CFAP299: variants seen among roughly 807,000 people sequenced by gnomAD.
CFAP299 encodes cilia- and flagella-associated protein 299.
In CFAP299, 21 loss-of-function variants were observed where a neutral mutation model predicts 27.0. The ratio of observed to expected loss-of-function variants is 0.78; its 90% CI spans 0.55 to 1.12. CFAP299 has a LOEUF of 1.12. Among genes scored for constraint, CFAP299 ranks in the 50% most tolerant of loss-of-function variants. The pLI is 0.00. For missense variants in CFAP299, 310 were observed against 276.6 expected (o/e 1.12, Z -0.86); for synonymous variants, 104 against 98.1 (o/e 1.06, Z -0.36).
At chr4:80,927,830 C>G (rs914959805) in intron 4 of CFAP299, among the ~76,000 whole-genome samples, 2 of 152,054 alleles carry the variant, frequency 1.3e-5, no homozygotes, top group Non-Finnish European at 2.9e-5. Flanking sequence ...AATAATCTTC[C>G]CATTTTAAGG....
chr4:80,901,627 G>A (rs1398772476), intron 4 of CFAP299, among the ~76,000 whole-genome samples: 1 of 152,062 alleles, frequency 6.6e-6, no homozygotes, highest in Non-Finnish European at 1.5e-5. Flanking sequence ...GGGTCTCCAT[G>A]CCAATGTTTC....
intron 2 of CFAP299, among the ~76,000 whole-genome samples, chr4:80,390,591 A>G (rs13127544): frequency 7.1e-6 from 1 of 140,874 alleles, no homozygotes; most frequent in African/African-American, 2.8e-5. Context: ...ATATGTATAT[A>G]TGTATATATG....
chr4:80,657,663 A>T (rs1009837427), intron 3 of CFAP299, among the ~76,000 whole-genome samples: 2 of 152,160 alleles, frequency 1.3e-5, no homozygotes, highest in African/African-American at 4.8e-5. Context: ...AGGTAGCATG[A>T]TGCCTCCAGC....
intron 2 of CFAP299, among the ~76,000 whole-genome samples, chr4:80,480,146 T>C (rs997785533): frequency 1.3e-5 from 2 of 151,986 alleles, no homozygotes; most frequent in African/African-American, 2.4e-5. Context: ...ATGCTCCTTA[T>C]GGATACTTTC....
chr4:80,361,105 T>C (rs1723521195), intron 1 of CFAP299, among the ~76,000 whole-genome samples: 1 of 152,140 alleles, frequency 6.6e-6, no homozygotes, highest in African/African-American at 2.4e-5. Flanking sequence ...ATTCCATCAG[T>C]TTAGGGTATG....
At chr4:80,597,821 A>C (rs942071626) in intron 3 of CFAP299, among the ~76,000 whole-genome samples, 7 of 151,910 alleles carry the variant, frequency 4.6e-5, no homozygotes, top group African/African-American at 1.7e-4. Context: ...TGAGTAGCTG[A>C]GATTACAGGC....
chr4:80,799,537 T>A (rs1184108300), intron 3 of CFAP299, among the ~76,000 whole-genome samples: 10 of 76,526 alleles, frequency 1.3e-4, no homozygotes, highest in African/African-American at 4.7e-4. Context: ...ATAATATATT[T>A]AATACATATA....
chr4:80,801,903 GTT>G (rs1728632316), intron 3 of CFAP299, among the ~76,000 whole-genome samples: 1 of 152,030 alleles, frequency 6.6e-6, no homozygotes, highest in Non-Finnish European at 1.5e-5. Flanking sequence ...CAATCCTTAA[GTT>G]TTTTATTTAT....
intron 2 of CFAP299, among the ~76,000 whole-genome samples, chr4:80,566,282 T>C (rs1359977216): frequency 6.6e-6 from 1 of 152,028 alleles, no homozygotes; most frequent in East Asian, 1.9e-4. Context: ...TCTAATAGTA[T>C]TTTTTTAAGT....
chr4:80,746,569 G>C (rs2110067863), intron 3 of CFAP299, among the ~76,000 whole-genome samples: 1 of 152,102 alleles, frequency 6.6e-6, no homozygotes, highest in Non-Finnish European at 1.5e-5. Flanking sequence ...TTGTTCATCA[G>C]ATTTAAAGGT....
intron 3 of CFAP299, among the ~76,000 whole-genome samples, chr4:80,669,964 C>T (rs1297225931): frequency 4.0e-5 from 6 of 150,110 alleles, no homozygotes; most frequent in African/African-American, 7.3e-5. Flanking sequence ...ACCCGTAGTG[C>T]GTCGTGAATT....
At chr4:80,782,257 G>T (rs1043693755) in intron 3 of CFAP299, among the ~76,000 whole-genome samples, 4 of 151,728 alleles carry the variant, frequency 2.6e-5, no homozygotes, top group Non-Finnish European at 4.4e-5. Context: ...CATCCCTCTT[G>T]CTGGAAACAA....
At chr4:80,641,361 T>A (rs1448456768) in intron 3 of CFAP299, among the ~76,000 whole-genome samples, 1 of 151,982 alleles carries the variant, frequency 6.6e-6, no homozygotes, top group Non-Finnish European at 1.5e-5. Flanking sequence ...CACACCACCA[T>A]GCCAGGCTAA....
chr4:80,912,380 G>T (rs997746322), intron 4 of CFAP299, among the ~76,000 whole-genome samples: 3 of 152,108 alleles, frequency 2.0e-5, no homozygotes, highest in Admixed American at 2.0e-4. Flanking sequence ...GAGCGAGAAA[G>T]GTTCGTCCCT....
chr4:80,514,324 G>T (rs1732470781), intron 2 of CFAP299, among the ~76,000 whole-genome samples: 1 of 151,980 alleles, frequency 6.6e-6, no homozygotes, highest in East Asian at 1.9e-4. Context: ...AATCTTTCCA[G>T]ATTTTAATAA....
At chr4:80,788,350 C>T (rs1727362747) in intron 3 of CFAP299, among the ~76,000 whole-genome samples, 1 of 151,822 alleles carries the variant, frequency 6.6e-6, no homozygotes, top group Admixed American at 6.6e-5. Context: ...GACCTATAGC[C>T]TCATTTTACC....
At chr4:80,328,714 C>T in the CFAP299 span, among the ~76,000 whole-genome samples, 4,558 of 152,140 alleles carry the variant, frequency 0.03, 231 homozygotes, top group African/African-American at 0.1. Flanking sequence ...GAAAACTGCA[C>T]GATATGACAA....
At chr4:80,691,740 G>C (rs974538252) in intron 3 of CFAP299, among the ~76,000 whole-genome samples, 2 of 150,648 alleles carry the variant, frequency 1.3e-5, no homozygotes, top group Non-Finnish European at 3.0e-5. Flanking sequence ...ATTAGGAAAA[G>C]AGGAAGTCAA....
chr4:80,487,223 T>G (rs1389899456), intron 2 of CFAP299, among the ~76,000 whole-genome samples: 1 of 152,238 alleles, frequency 6.6e-6, no homozygotes, highest in Non-Finnish European at 1.5e-5. Context: ...GAACTCCCCT[T>G]AAGTCTTTGA....
Sources: gnomAD v4.1 joint callset for allele counts (sites outside exome capture counted in the v4.1 genomes callset) on GRCh38, gnomAD v4.1.1 for gene constraint, MANE v1.5 for transcripts, NCBI Gene and HGNC (gene_info 2026-07-23, HGNC 2026-07-21) for gene names.